The following MYO16 variants were observed in gnomAD, a reference collection of about 807,000 sequenced individuals.
MYO16 encodes the protein unconventional myosin-XVI.
MYO16 carries 94 observed loss-of-function variants against 205.3 expected under a neutral mutation model. The ratio of observed to expected loss-of-function variants is 0.46; its 90% CI spans 0.39 to 0.54. The LOEUF (loss-of-function observed/expected upper bound fraction) is 0.54. MYO16 is among the 20% of genes least tolerant of loss of function. MYO16 has a pLI of 0.00. For synonymous variants in MYO16, 988 were observed against 954.0 expected (o/e 1.04, Z -0.66); for missense variants, 2,315 against 2,387.5 (o/e 0.97, Z 0.63).
intron 12 of MYO16, among the ~76,000 whole-genome samples, chr13:108,869,823 A>G (rs1484242572): frequency 6.6e-6 from 1 of 150,802 alleles, no homozygotes; most frequent in Non-Finnish European, 1.5e-5. Context: ...TAGCTATAAA[A>G]TTATCTAGTG....
rs557375410 is a variant in MYO16, at chr13:108,629,707, G to C, written c.-138G>C. On this transcript the variant is annotated 5_prime_UTR_variant, in exon 1 of 35. Transcript: ENST00000457511. ...AAGCTTTTTGCAGGATCATGGAACAGAGCCTCCATGCAATAGTGCATCCTG... is the reference window on the plus strand; with the variant it reads ...AAGCTTTTTGCAGGATCATGGAACACAGCCTCCATGCAATAGTGCATCCTG... The C allele has an allele frequency of 8.2e-5, 58 of 707,216 alleles. No individual in the cohort carries two copies. Among genetic ancestry groups the C allele is most frequent in the Middle Eastern group, 7.5e-4 (3 of 4,022 alleles). The allele number at this position is 707,216 out of a possible 1,614,324, so 43.8% of individuals were successfully genotyped here.
intron 12 of MYO16, among the ~76,000 whole-genome samples, chr13:108,872,904 CA>C (rs887676826): frequency 3.3e-5 from 5 of 152,080 alleles, no homozygotes; most frequent in African/African-American, 7.2e-5. Context: ...ACTTGACATC[CA>C]TTATGTAGAA....
the MYO16 span, among the ~76,000 whole-genome samples, chr13:108,542,479 A>C: frequency 6.6e-6 from 1 of 152,142 alleles, no homozygotes; most frequent in Non-Finnish European, 1.5e-5. Context: ...ATAAAAGTTA[A>C]AATATTTTTT....
chr13:109,018,299 C>CTGCAGAACAGCAAATAT (rs544695557), intron 22 of MYO16, among the ~76,000 whole-genome samples: 1 of 152,196 alleles, frequency 6.6e-6, no homozygotes. Context: ...CCAGCAGCAG[C>CTGCAGAACAGCAAATAT]TGCAGAACAG....
At chr13:109,089,756 G>A (rs909625503) in intron 27 of MYO16, among the ~76,000 whole-genome samples, 3 of 152,202 alleles carry the variant, frequency 2.0e-5, no homozygotes, top group Non-Finnish European at 2.9e-5. Flanking sequence ...AGAAGTCAGT[G>A]ATGATGTGGA....
the MYO16 span, among the ~76,000 whole-genome samples, chr13:108,568,100 C>T: frequency 6.6e-6 from 1 of 152,142 alleles, no homozygotes; most frequent in Admixed American, 6.5e-5. Flanking sequence ...ATTTTATTTT[C>T]CATTTATCAG....
At chr13:109,069,233 A>G (rs1887850963) in intron 27 of MYO16, among the ~76,000 whole-genome samples, 2 of 152,216 alleles carry the variant, frequency 1.3e-5, no homozygotes, top group South Asian at 4.1e-4. Flanking sequence ...GTCCAGAGAT[A>G]TTCAGTTCCA....
chr13:109,206,798 A>G lies in MYO16; in HGVS notation c.5605A>G (p.Asn1869Asp), dbSNP rs1880615886. The change falls in exon 35 of 35, where the codon AAC becomes GAC. Residue 1869 changes from asparagine to aspartate, a missense_variant. Transcript: ENST00000457511. ...LLKKPEGASC[N>D]RLPSELWDTT... is the part of the protein sequence containing the mutation. ...GAAGAAGCCGGAAGGGGCCTCCTGC[A>G]ACAGGCTGCCGTCTGAGCTCTGGGA... is the stretch of plus-strand genomic sequence containing the variant. 1.2e-6 allele frequency: 2 copies of G among 1,614,058 alleles called. No individual in the cohort carries two copies. The highest frequency in any genetic ancestry group is 8.5e-7 in the Non-Finnish European group (1 of 1,180,036).
At chr13:108,925,760 TCATC>T (rs1430769207) in intron 16 of MYO16, among the ~76,000 whole-genome samples, 1 of 152,194 alleles carries the variant, frequency 6.6e-6, no homozygotes, top group African/African-American at 2.4e-5. Flanking sequence ...TTCGCTCCCA[TCATC>T]TCCCACCTGA....
intron 20 of MYO16, among the ~76,000 whole-genome samples, chr13:108,982,255 G>T (rs560565362): frequency 2.6e-5 from 4 of 152,326 alleles, no homozygotes; most frequent in East Asian, 3.9e-4. Context: ...AGGCAGGGGC[G>T]TGGCTAACTA....
At chr13:109,029,222 C>A in intron 23 of MYO16, among the ~76,000 whole-genome samples, 1 of 142,944 alleles carries the variant, frequency 7.0e-6, no homozygotes, top group Non-Finnish European at 1.5e-5. Flanking sequence ...TCAAGTGATT[C>A]TCCTGCCTCA....
chr13:108,546,927 G>A, the MYO16 span, among the ~76,000 whole-genome samples: 3 of 152,142 alleles, frequency 2.0e-5, no homozygotes, highest in Admixed American at 6.6e-5. Context: ...CCAGGAGAAA[G>A]GCATAGAACA....
At chr13:108,820,573 T>C (rs527483021) in intron 8 of MYO16, among the ~76,000 whole-genome samples, 161 bp downstream of exon 8, 1 of 152,244 alleles carries the variant, frequency 6.6e-6, no homozygotes, top group South Asian at 2.1e-4. Context: ...TCATCGCCTA[T>C]GTACGATGAT....
intron 27 of MYO16, among the ~76,000 whole-genome samples, chr13:109,095,014 A>G (rs1566503328): frequency 1.3e-5 from 2 of 152,180 alleles, no homozygotes; most frequent in African/African-American, 4.8e-5. Flanking sequence ...CATCCCCAGC[A>G]CAGACTTTGT....
intron 21 of MYO16, among the ~76,000 whole-genome samples, chr13:109,000,548 G>A (rs1186800690): frequency 1.3e-5 from 2 of 151,948 alleles, no homozygotes; most frequent in Non-Finnish European, 2.9e-5. Flanking sequence ...CATTGGTTTT[G>A]GACTATATGA....
chr13:108,626,742 T>C (rs1879751665), upstream of MYO16, among the ~76,000 whole-genome samples: 1 of 151,508 alleles, frequency 6.6e-6, no homozygotes. Context: ...AGGCAGAGGG[T>C]TGCAGTGAGC....
chr13:108,698,288 A>G (rs1566556857), intron 2 of MYO16, among the ~76,000 whole-genome samples: 1 of 152,232 alleles, frequency 6.6e-6, no homozygotes, highest in South Asian at 2.1e-4. Flanking sequence ...TAAAGGAGGT[A>G]ATGTTCAGAA....
At chr13:108,816,041 C>T (rs894954385) in intron 7 of MYO16, among the ~76,000 whole-genome samples, 1 of 152,156 alleles carries the variant, frequency 6.6e-6, no homozygotes, top group Non-Finnish European at 1.5e-5. Flanking sequence ...CAAGGCAATT[C>T]AATAAGAAAA....
intron 9 of MYO16, among the ~76,000 whole-genome samples, chr13:108,840,564 G>T (rs565412801): frequency 1.3e-5 from 2 of 152,014 alleles, no homozygotes; most frequent in South Asian, 2.1e-4. Flanking sequence ...TTGAGACCAG[G>T]TATCACTCTG....
Sources: allele counts gnomAD v4.1 joint callset (sites outside exome capture counted in the v4.1 genomes callset), GRCh38; gene constraint gnomAD v4.1.1; transcripts MANE v1.5; gene names NCBI Gene and HGNC (gene_info 2026-07-23, HGNC 2026-07-21).